The following CCDC144A variants were observed in gnomAD, a reference collection of about 807,000 sequenced individuals.
CCDC144A encodes the protein coiled-coil domain containing 144A.
In CCDC144A, 41 loss-of-function variants were observed where a neutral mutation model predicts 143.8. The observed-to-expected ratio is 0.29, with a 90% CI of 0.22 to 0.37. The LOEUF (loss-of-function observed/expected upper bound fraction) is 0.37, where lower values mean the gene tolerates loss of function less well. Ranked by LOEUF, CCDC144A falls within the 10% of genes least tolerant of loss-of-function variation. The pLI is 1.00. For missense variants in CCDC144A, 637 were observed against 1,488.8 expected (o/e 0.43, Z 9.41); for synonymous variants, 242 against 517.9 (o/e 0.47, Z 7.23).
At chr17:16,749,665 T>C (rs1206573779) in intron 12 of CCDC144A, among the ~76,000 whole-genome samples, 5 of 152,220 alleles carry the variant, frequency 3.3e-5, no homozygotes, top group Non-Finnish European at 5.9e-5. Context: ...TCTCAATGAT[T>C]TGCCTTAACA....
At chr17:16,759,402 C>T (rs1191252992) in intron 12 of CCDC144A, among the ~76,000 whole-genome samples, 2 of 152,142 alleles carry the variant, frequency 1.3e-5, no homozygotes, top group South Asian at 2.1e-4. Context: ...AATGGTGAGT[C>T]GAACCATGCT....
chr17:16,745,916 A>C (rs1597578340), intron 12 of CCDC144A: 2 of 1,598,106 alleles, frequency 1.3e-6, no homozygotes, highest in Non-Finnish European at 1.7e-6. Flanking sequence ...GCTCATCCTC[A>C]CTCCTTCTGG....
At chr17:16,710,942 G>A (rs1912369604) in intron 5 of CCDC144A, among the ~76,000 whole-genome samples, 1 of 145,678 alleles carries the variant, frequency 6.9e-6, no homozygotes, top group Admixed American at 6.8e-5. Flanking sequence ...TATCTATAGA[G>A]AGTGAGCTAA....
chr17:16,666,728 TC>T, the CCDC144A span: 1 of 477,656 alleles, frequency 2.1e-6, no homozygotes, highest in Non-Finnish European at 2.7e-6. Context: ...AGGGGGCGCT[TC>T]CCCAGCGCGG....
chr17:16,717,705 AT>A (rs1357605819), intron 6 of CCDC144A, among the ~76,000 whole-genome samples: 13 of 152,192 alleles, frequency 8.5e-5, no homozygotes, highest in Non-Finnish European at 1.5e-4. Context: ...GGAAATATAT[AT>A]TTCTTTATAT....
the CCDC144A span, among the ~76,000 whole-genome samples, chr17:16,676,701 ACT>A: frequency 2.0e-5 from 3 of 151,948 alleles, no homozygotes; most frequent in Non-Finnish European, 4.4e-5. Context: ...TTTTAAAAAC[ACT>A]CTGCACATTT....
At position 16,759,643 on chromosome 17, in the gene CCDC144A, A is replaced by T. The variant is rs556722202; in HGVS notation, c.3373-1782A>T. On this transcript the variant is annotated intron_variant, in intron 12 of 16. Transcript: ENST00000399273. ...CCTACCAGCTTCTTCGAGGACCATC[A>T]GGCTTCCACTAACAGTCTCTTTAAA... Among the ~76,000 whole-genome samples the T allele has an allele frequency of 1.8e-3, 269 of 151,502 alleles. 1 individual carries two copies. The highest frequency in any genetic ancestry group is 6.3e-3 in the African/African-American group (259 of 41,322).
intron 12 of CCDC144A, among the ~76,000 whole-genome samples, chr17:16,750,303 T>G (rs1914730422): frequency 6.6e-6 from 1 of 151,628 alleles, no homozygotes; most frequent in African/African-American, 2.4e-5. Context: ...TGAATTTCTT[T>G]AGTGTTTGTC....
At chr17:16,667,425 G>A in the CCDC144A span, among the ~76,000 whole-genome samples, 1 of 151,988 alleles carries the variant, frequency 6.6e-6, no homozygotes, top group Non-Finnish European at 1.5e-5. Context: ...GGCTGACGCG[G>A]CTGAAGGGAC....
chr17:16,754,908 G>C (rs1915001798), intron 12 of CCDC144A, among the ~76,000 whole-genome samples: 1 of 152,072 alleles, frequency 6.6e-6, no homozygotes, highest in Admixed American at 6.6e-5. Context: ...TGTGTGCTCA[G>C]GTATTGAGTA....
At chr17:16,677,070 C>T in the CCDC144A span, among the ~76,000 whole-genome samples, 18 of 152,062 alleles carry the variant, frequency 1.2e-4, no homozygotes, top group African/African-American at 4.3e-4. Flanking sequence ...TCCGAGGTTA[C>T]AATGCAAAGA....
chr17:16,767,805 T>A (rs1191710039), intron 15 of CCDC144A, among the ~76,000 whole-genome samples: 1 of 152,258 alleles, frequency 6.6e-6, no homozygotes, highest in Non-Finnish European at 1.5e-5. Context: ...AAACAAGTTT[T>A]CTCTACATTC....
the CCDC144A span, chr17:16,683,756 T>C: frequency 3.3e-6 from 5 of 1,537,172 alleles, no homozygotes; most frequent in Admixed American, 3.3e-5. Flanking sequence ...GAGATGGAGA[T>C]GAAAGCGCAG....
At chr17:16,693,200 A>C (rs1911190115) in intron 2 of CCDC144A, among the ~76,000 whole-genome samples, 151 bp downstream of exon 2, 1 of 152,140 alleles carries the variant, frequency 6.6e-6, no homozygotes, top group Non-Finnish European at 1.5e-5. Context: ...TAGATGTCAC[A>C]ATTATTTAAA....
the CCDC144A span, among the ~76,000 whole-genome samples, chr17:16,679,494 G>A: frequency 4.0e-5 from 6 of 151,164 alleles, no homozygotes; most frequent in East Asian, 3.9e-4. Flanking sequence ...CTCAATTCTC[G>A]GTAAATGAGG....
At chr17:16,679,407 A>G in the CCDC144A span, among the ~76,000 whole-genome samples, 2 of 152,112 alleles carry the variant, frequency 1.3e-5, no homozygotes, top group Non-Finnish European at 2.9e-5. Context: ...TGTATATGTT[A>G]TAAAGGCACA....
intron 8 of CCDC144A, among the ~76,000 whole-genome samples, chr17:16,724,999 G>A (rs574888926): frequency 1.4e-5 from 1 of 73,752 alleles, no homozygotes; most frequent in African/African-American, 5.0e-5. Context: ...TTTATAGCTG[G>A]TAATTTTTTT....
At chr17:16,705,768 A>G (rs1218847877) in intron 3 of CCDC144A, 12 of 276,732 alleles carry the variant, frequency 4.3e-5, no homozygotes, top group Non-Finnish European at 5.6e-5. Flanking sequence ...CTGAATTCAC[A>G]GCTGTTAGTT....
chr17:16,768,903 A>G (rs1915716599), intron 15 of CCDC144A, among the ~76,000 whole-genome samples: 3 of 151,956 alleles, frequency 2.0e-5, no homozygotes, highest in Admixed American at 2.0e-4. Flanking sequence ...AGTGTTATAC[A>G]GTCATCTTTC....
Sources: allele counts gnomAD v4.1 joint callset (sites outside exome capture counted in the v4.1 genomes callset), GRCh38; gene constraint gnomAD v4.1.1; transcripts MANE v1.5; gene names NCBI Gene and HGNC (gene_info 2026-07-23, HGNC 2026-07-21).